Variants in CCDC171 observed in about 807,000 individuals in gnomAD.
CCDC171 encodes the protein coiled-coil domain containing 171.
A neutral mutation model predicts 168.2 loss-of-function variants in CCDC171; 177 were observed. The ratio of observed to expected loss-of-function variants is 1.05; its 90% CI spans 0.93 to 1.19. The LOEUF is 1.19. Ranked by LOEUF, CCDC171 falls within the 50% of genes most tolerant of loss-of-function variation. The pLI is 0.00. For synonymous variants in CCDC171, 687 were observed against 540.8 expected, an observed-to-expected ratio of 1.27 and a Z score of -3.75; for missense variants, 1,991 against 1,539.0, an observed-to-expected ratio of 1.29 and a Z score of -4.91.
chr9:15,553,137 TA>T lies in CCDC171; in HGVS notation c.-276del, dbSNP rs1258669367. 6.6e-6 allele frequency: 1 copy of T among 152,628 alleles called. No homozygotes were observed. The highest frequency in any genetic ancestry group is 1.5e-5 in the Non-Finnish European group (1 of 68,396). The allele number at this position is 152,628 out of a possible 1,614,324, so 9.5% of individuals were successfully genotyped here. A position where few individuals can be genotyped will look rare whatever the true frequency, so the allele number is the denominator to read the frequency against. On this transcript the variant is annotated 5_prime_UTR_variant, in exon 1 of 26. Transcript: ENST00000380701. ...CCTCCCGGGGGCTCTTCCCCTTCTG[TA>T]CCCCTTTGCTGTTTGTCCCCCTCCT...
In CCDC171 at chr9:15,636,485, A is replaced by T. The variant is rs145865977; in HGVS notation, c.822+13072A>T. Reference sequence around the variant, plus strand: ...GATTAAGGGCCAGGAGCTGTGGCTCATGCCTGTAATCCCAGCACTTTGGGA... The same window carrying T: ...GATTAAGGGCCAGGAGCTGTGGCTCTTGCCTGTAATCCCAGCACTTTGGGA... On this transcript the variant is annotated intron_variant, in intron 7 of 25. Transcript: ENST00000380701. 1.7e-3 allele frequency among the ~76,000 whole-genome samples: 258 copies of T among 152,308 alleles called. 2 individuals carry two copies. In the East Asian group the frequency reaches 0.045, roughly 27 times the overall value.
At chr9:15,909,211 C>A (rs749120577) in intron 24 of CCDC171, among the ~76,000 whole-genome samples, 1 of 152,158 alleles carries the variant, frequency 6.6e-6, no homozygotes, top group Non-Finnish European at 1.5e-5. Context: ...CGTCTCCTAC[C>A]TGTTTATGCT....
At chr9:16,052,226 G>C (rs1279323209) in intron 1 of CCDC171, among the ~76,000 whole-genome samples, 1 of 152,170 alleles carries the variant, frequency 6.6e-6, no homozygotes, top group Admixed American at 6.5e-5. Flanking sequence ...CTGGAAGGAG[G>C]GAGAGAGGGA....
intron 25 of CCDC171, among the ~76,000 whole-genome samples, chr9:15,936,157 A>G (rs986784506): frequency 2.0e-5 from 3 of 152,064 alleles, no homozygotes; most frequent in Admixed American, 6.6e-5. Context: ...GCACTGTTAT[A>G]TAAACAGACC....
chr9:15,568,629 G>C (rs1287183956), intron 2 of CCDC171, among the ~76,000 whole-genome samples: 1 of 152,106 alleles, frequency 6.6e-6, no homozygotes, highest in Non-Finnish European at 1.5e-5. Flanking sequence ...ATCTCATTGT[G>C]GTTTTGATTT....
intron 24 of CCDC171, among the ~76,000 whole-genome samples, chr9:15,919,043 A>T (rs918923269): frequency 6.6e-6 from 1 of 151,684 alleles, no homozygotes; most frequent in African/African-American, 2.4e-5. Flanking sequence ...GAAGATAAAC[A>T]TGTAAACTAA....
Position 15,591,322 on chromosome 9 carries a change from T to A in CCDC171, c.353-44T>A, listed in dbSNP as rs1210338704. ...CCTAGGTTTTGGGGCTCCTTGTTAT[T>A]TAATTCATGGTTGTAAATGTACCTA... On this transcript the variant is annotated intron_variant, in intron 4 of 25. Coordinates refer to ENST00000380701, the MANE Select transcript of CCDC171 (RefSeq NM_173550.4). 2.4e-6 allele frequency: 3 copies of A among 1,268,770 alleles called. No homozygotes were observed. In the African/African-American group the frequency reaches 4.6e-5, roughly 19 times the overall value. 78.6% of individuals were successfully genotyped at this position (1,268,770 alleles called of 1,614,324 possible). A position where few individuals can be genotyped will look rare whatever the true frequency, so the allele number is the denominator to read the frequency against.
chr9:15,753,845 A>C (rs2055919531), intron 18 of CCDC171, among the ~76,000 whole-genome samples: 1 of 152,196 alleles, frequency 6.6e-6, no homozygotes, highest in Non-Finnish European at 1.5e-5. Flanking sequence ...GTCATGAGGA[A>C]TATTGGAAGG....
chr9:16,088,738 C>T, the CCDC171 span, among the ~76,000 whole-genome samples: 1 of 152,168 alleles, frequency 6.6e-6, no homozygotes, highest in Non-Finnish European at 1.5e-5. Context: ...AAAAACATTC[C>T]ATGCTCATGG....
chr9:15,778,259 T>TGCAGTCC (rs2057445417), intron 19 of CCDC171, among the ~76,000 whole-genome samples: 1 of 130,854 alleles, frequency 7.6e-6, no homozygotes, highest in Admixed American at 9.6e-5. Context: ...ATTGCGCCAC[T>TGCAGTCC]GCAGTCCGCA....
chr9:15,986,631 G>A (rs140869784), intron 3 of CCDC171, among the ~76,000 whole-genome samples: 594 of 152,292 alleles, frequency 3.9e-3, no homozygotes, highest in African/African-American at 0.014. Flanking sequence ...TCACTTGTTT[G>A]CCTGGCACCT....
Position 15,678,825 on chromosome 9 carries a change from A to T in CCDC171, c.1144A>T (p.Ile382Phe). ...NEDIEEQKKVIIDLSKRLQYN... is the reference protein window; with the variant it reads ...NEDIEEQKKVFIDLSKRLQYN... ...AGACATCGAGGAACAGAAGAAAGTAATTATAGACCTTTCAAAGAGACTCCA... is the reference window on the plus strand; with the variant it reads ...AGACATCGAGGAACAGAAGAAAGTATTTATAGACCTTTCAAAGAGACTCCA... Residue 382 changes from isoleucine to phenylalanine, a missense_variant, in exon 10 of 26, where the codon ATT (isoleucine) becomes TTT (phenylalanine). Coordinates refer to ENST00000380701, the MANE Select transcript of CCDC171 (RefSeq NM_173550.4). The T allele has an allele frequency of 1.3e-6, 2 of 1,597,130 alleles. No homozygotes were observed. The highest frequency in any genetic ancestry group is 1.7e-6 in the Non-Finnish European group (2 of 1,171,540).
chr9:15,678,757 G>A lies in CCDC171; in HGVS notation c.1077-1G>A, dbSNP rs766740699. 3 of 1,578,102 alleles carry A rather than the reference G, an allele frequency of 1.9e-6. No homozygotes were observed. Among genetic ancestry groups the A allele is most frequent in the East Asian group, 4.5e-5 (2 of 44,428 alleles). ...CCTGCTCTGACACTTTAACTTTTCA[G>A]ATTAGAAAAAGAGTATTTCTCCAAA... On this transcript the variant is annotated splice_acceptor_variant, in intron 9 of 25. Coordinates refer to ENST00000380701, the MANE Select transcript of CCDC171 (RefSeq NM_173550.4). LOFTEE classifies it high-confidence loss of function.
At chr9:15,894,731 G>C (rs530529051) in intron 24 of CCDC171, among the ~76,000 whole-genome samples, 23 of 151,990 alleles carry the variant, frequency 1.5e-4, no homozygotes, top group Non-Finnish European at 2.2e-4. Context: ...TTTCCACAAG[G>C]CTCACTCCTT....
chr9:16,083,280 C>G, the CCDC171 span, among the ~76,000 whole-genome samples: 1 of 152,126 alleles, frequency 6.6e-6, no homozygotes, highest in African/African-American at 2.4e-5. Flanking sequence ...GTTATCCCTG[C>G]CTTATAGTTG....
chr9:15,779,947 T>C (rs568988783), intron 20 of CCDC171, among the ~76,000 whole-genome samples: 48 of 152,324 alleles, frequency 3.2e-4, no homozygotes, highest in African/African-American at 1.1e-3. Flanking sequence ...TATGGGAACA[T>C]AGAGTTAAAA....
At chr9:16,033,662 GAACCATCCCGA>G (rs1264124116) in intron 6 of CCDC171, among the ~76,000 whole-genome samples, 1 of 152,164 alleles carries the variant, frequency 6.6e-6, no homozygotes, top group Non-Finnish European at 1.5e-5. Context: ...TAATGCGCTT[GAACCATCCCGA>G]AACCATCCCC....
At chr9:16,001,544 T>C (rs536755065) in intron 3 of CCDC171, among the ~76,000 whole-genome samples, 17 of 152,126 alleles carry the variant, frequency 1.1e-4, no homozygotes, top group Non-Finnish European at 2.2e-4. Flanking sequence ...ACTTTGTATT[T>C]TGCTATTCCA....
intron 11 of CCDC171, among the ~76,000 whole-genome samples, chr9:15,706,605 TGTGA>T (rs2052256172): frequency 1.3e-5 from 2 of 152,326 alleles, no homozygotes; most frequent in African/African-American, 2.4e-5. Context: ...GTATTTTTGC[TGTGA>T]GTATTTCTTC....
Sources: allele counts gnomAD v4.1 joint callset (sites outside exome capture counted in the v4.1 genomes callset), GRCh38; gene constraint gnomAD v4.1.1; transcripts MANE v1.5; gene names NCBI Gene and HGNC (gene_info 2026-07-23, HGNC 2026-07-21).